Variants in PDE1A observed in about 807,000 individuals in gnomAD.
The protein encoded by PDE1A is dual specificity calcium/calmodulin-dependent 3',5'-cyclic nucleotide phosphodiesterase 1A.
In PDE1A, 35 loss-of-function variants were observed where a neutral mutation model predicts 61.7. The observed-to-expected ratio is 0.57, with a 90% CI of 0.43 to 0.75. The LOEUF is 0.75. PDE1A is among the 30% of genes least tolerant of loss of function. The pLI, the probability that PDE1A is intolerant of heterozygous loss-of-function variation, is 0.00. For synonymous variants in PDE1A, 232 were observed against 213.2 expected (o/e 1.09, Z -0.77); for missense variants, 597 against 630.6 (o/e 0.95, Z 0.57).
the PDE1A span, among the ~76,000 whole-genome samples, chr2:182,677,446 A>C: frequency 6.6e-6 from 1 of 152,218 alleles, no homozygotes; most frequent in East Asian, 1.9e-4. Flanking sequence ...TTCATGTATA[A>C]GAAGAATTAA....
intron 5 of PDE1A, 41 bp from the exon 6 acceptor site, chr2:182,230,187 A>C (rs777667067): frequency 1.0e-5 from 16 of 1,547,880 alleles, no homozygotes; most frequent in South Asian, 1.2e-5. Flanking sequence ...TGACCAAAAA[A>C]GTGGTACTAA....
intron 4 of PDE1A, 36 bp downstream of exon 4, chr2:182,234,396 A>T (rs775750230): frequency 3.3e-5 from 47 of 1,436,350 alleles, no homozygotes; most frequent in Non-Finnish European, 4.4e-5. Flanking sequence ...TTTTAAAATG[A>T]CCATTTTATA....
chr2:182,260,731 G>A (rs908934044), intron 2 of PDE1A, among the ~76,000 whole-genome samples: 1 of 152,184 alleles, frequency 6.6e-6, no homozygotes, highest in African/African-American at 2.4e-5. Context: ...AGGCAGAATT[G>A]GAAAGAGATG....
chr2:182,460,824 G>A (rs1171827818), intron 2 of PDE1A, among the ~76,000 whole-genome samples: 1 of 152,110 alleles, frequency 6.6e-6, no homozygotes, highest in African/African-American at 2.4e-5. Context: ...TTAGGTTGGT[G>A]CAAAAGTAAT....
intron 1 of PDE1A, among the ~76,000 whole-genome samples, chr2:182,298,180 G>T (rs1182807758): frequency 1.3e-5 from 2 of 152,116 alleles, no homozygotes; most frequent in Non-Finnish European, 2.9e-5. Flanking sequence ...AATGGAAGAA[G>T]ATACTTACAC....
intron 2 of PDE1A, among the ~76,000 whole-genome samples, chr2:182,457,197 A>C (rs1685982485): frequency 6.6e-6 from 1 of 152,048 alleles, no homozygotes; most frequent in African/African-American, 2.4e-5. Context: ...AGACAATATA[A>C]GGAATTTTCT....
intron 2 of PDE1A, among the ~76,000 whole-genome samples, chr2:182,259,349 C>T (rs1056136720): frequency 6.6e-6 from 1 of 152,168 alleles, no homozygotes; most frequent in African/African-American, 2.4e-5. Context: ...TTAAAAACTG[C>T]TCTCAGGGAA....
intron 1 of PDE1A, among the ~76,000 whole-genome samples, chr2:182,331,303 C>T (rs1697392266): frequency 6.6e-6 from 1 of 152,190 alleles, no homozygotes; most frequent in Admixed American, 6.5e-5. Flanking sequence ...ACTCTTTATC[C>T]AATTTGCCAG....
the PDE1A span, among the ~76,000 whole-genome samples, chr2:182,608,316 G>A: frequency 2.2e-3 from 328 of 152,336 alleles, 2 homozygotes; most frequent in African/African-American, 7.5e-3. Context: ...AGGTCATCAT[G>A]AGAGGTGACA....
intron 2 of PDE1A, among the ~76,000 whole-genome samples, chr2:182,434,028 G>A (rs1231506624): frequency 6.6e-6 from 1 of 151,968 alleles, no homozygotes; most frequent in Non-Finnish European, 1.5e-5. Flanking sequence ...CATAATCTGT[G>A]TGCATCATAA....
At chr2:182,701,528 G>C in the PDE1A span, among the ~76,000 whole-genome samples, 2 of 151,536 alleles carry the variant, frequency 1.3e-5, no homozygotes, top group Non-Finnish European at 2.9e-5. Context: ...TTACAGACGC[G>C]CACCACCACA....
chr2:182,415,913 G>C (rs1223588258), intron 1 of PDE1A, among the ~76,000 whole-genome samples: 1 of 152,122 alleles, frequency 6.6e-6, no homozygotes, highest in East Asian at 1.9e-4. Context: ...ATACCTCAAA[G>C]AAGAACCATA....
the PDE1A span, among the ~76,000 whole-genome samples, chr2:182,548,971 C>G: frequency 6.6e-6 from 1 of 152,074 alleles, no homozygotes; most frequent in African/African-American, 2.4e-5. Flanking sequence ...GACGTTAAGT[C>G]CAACTAATAA....
chr2:182,155,239 C>A (rs544305508), intron 13 of PDE1A, among the ~76,000 whole-genome samples: 3 of 151,898 alleles, frequency 2.0e-5, no homozygotes, highest in African/African-American at 7.3e-5. Context: ...ACAAGCACAC[C>A]ACCATGCCCA....
downstream of PDE1A, among the ~76,000 whole-genome samples, chr2:182,165,988 G>C (rs1232982672): frequency 6.6e-6 from 1 of 152,146 alleles, no homozygotes; most frequent in Non-Finnish European, 1.5e-5. Context: ...TTTCTTCTGA[G>C]GATGGGATTA....
the PDE1A span, among the ~76,000 whole-genome samples, chr2:182,644,525 G>A: frequency 1.3e-5 from 2 of 152,110 alleles, no homozygotes; most frequent in Admixed American, 1.3e-4. Context: ...CCAAGTGCAT[G>A]TTGTTATATA....
the PDE1A span, among the ~76,000 whole-genome samples, chr2:182,576,616 AT>A: frequency 6.6e-6 from 1 of 152,132 alleles, no homozygotes; most frequent in Admixed American, 6.5e-5. Flanking sequence ...GGTACTTCTA[AT>A]TTTAATTTTT....
intron 1 of PDE1A, among the ~76,000 whole-genome samples, chr2:182,361,371 G>C (rs1221454468): frequency 1.3e-5 from 2 of 152,042 alleles, no homozygotes; most frequent in African/African-American, 4.8e-5. Context: ...TAAATATAAA[G>C]TATTTAATTG....
At chr2:182,614,431 T>A in the PDE1A span, among the ~76,000 whole-genome samples, 374 of 152,268 alleles carry the variant, frequency 2.5e-3, 1 homozygote, top group African/African-American at 8.5e-3. Flanking sequence ...AAATTTTAAT[T>A]CTTTATTTTT....
Sources: allele counts gnomAD v4.1 joint callset (sites outside exome capture counted in the v4.1 genomes callset), GRCh38; gene constraint gnomAD v4.1.1; transcripts MANE v1.5; gene names NCBI Gene and HGNC (gene_info 2026-07-23, HGNC 2026-07-21).